The following SGCD variants were observed in gnomAD, a reference collection of about 807,000 sequenced individuals.
The protein encoded by SGCD is delta-sarcoglycan.
Under a neutral mutation model 36.6 loss-of-function variants are expected in SGCD, and 18 were observed. The ratio of observed to expected loss-of-function variants is 0.49; its 90% CI spans 0.34 to 0.73. The LOEUF is 0.73. SGCD is among the 30% of genes least tolerant of loss of function. The pLI is 0.01. For missense variants in SGCD, 387 were observed against 346.7 expected, an observed-to-expected ratio of 1.12 and a Z score of -0.92; for synonymous variants, 133 against 130.6, an observed-to-expected ratio of 1.02 and a Z score of -0.12.
At chr5:156,730,854 T>C (rs375147784) in intron 7 of SGCD, among the ~76,000 whole-genome samples, 1 of 152,160 alleles carries the variant, frequency 6.6e-6, no homozygotes, top group South Asian at 2.1e-4. Context: ...TTATTTACAC[T>C]CCCACCAACA....
At chr5:156,747,781 A>C (rs1456559053) in intron 7 of SGCD, among the ~76,000 whole-genome samples, 2 of 152,190 alleles carry the variant, frequency 1.3e-5, no homozygotes, top group African/African-American at 4.8e-5. Context: ...GAATAACATA[A>C]GGGCATGAAA....
intron 1 of SGCD, among the ~76,000 whole-genome samples, chr5:155,945,632 T>A (rs964069471): frequency 1.3e-5 from 2 of 152,114 alleles, no homozygotes; most frequent in African/African-American, 4.8e-5. Flanking sequence ...AAGTGGAGTG[T>A]CCAAGCATAA....
At chr5:156,012,390 C>A (rs1211412874) in intron 1 of SGCD, among the ~76,000 whole-genome samples, 1 of 152,054 alleles carries the variant, frequency 6.6e-6, no homozygotes, top group Non-Finnish European at 1.5e-5. Context: ...AGAATTTTTT[C>A]ATATGTTATG....
intron 3 of SGCD, among the ~76,000 whole-genome samples, chr5:156,480,751 A>C (rs1252136247): frequency 6.6e-6 from 1 of 152,210 alleles, no homozygotes; most frequent in African/African-American, 2.4e-5. Context: ...AATTGCCACT[A>C]CTGAAAATCA....
chr5:156,386,838 T>C (rs908226987), intron 3 of SGCD, among the ~76,000 whole-genome samples: 1 of 152,260 alleles, frequency 6.6e-6, no homozygotes, highest in Non-Finnish European at 1.5e-5. Flanking sequence ...CTCATCCCAG[T>C]AGTCCAGAAA....
At chr5:156,319,704 T>C (rs1321440267) in intron 3 of SGCD, among the ~76,000 whole-genome samples, 5 of 152,192 alleles carry the variant, frequency 3.3e-5, no homozygotes, top group African/African-American at 9.6e-5. Flanking sequence ...TGGGAATCTT[T>C]TGCCCAATTC....
intron 6 of SGCD, among the ~76,000 whole-genome samples, chr5:156,595,767 A>G (rs1011256707): frequency 5.3e-5 from 8 of 152,244 alleles, no homozygotes; most frequent in South Asian, 2.1e-4. Flanking sequence ...AAACTTTGGA[A>G]GGGTTTAGGT....
chr5:155,793,633 C>G, the SGCD span, among the ~76,000 whole-genome samples: 1 of 151,456 alleles, frequency 6.6e-6, no homozygotes, highest in African/African-American at 2.4e-5. Flanking sequence ...CCTCTACGTC[C>G]TGGGTTCAAG....
intron 7 of SGCD, among the ~76,000 whole-genome samples, chr5:156,720,285 A>T (rs916412070): frequency 6.6e-6 from 1 of 152,204 alleles, no homozygotes; most frequent in Non-Finnish European, 1.5e-5. Flanking sequence ...TTAGGGAGAA[A>T]AAAGAAAGTA....
the SGCD span, among the ~76,000 whole-genome samples, chr5:155,821,014 C>T: frequency 6.6e-6 from 1 of 151,976 alleles, no homozygotes; most frequent in Non-Finnish European, 1.5e-5. Context: ...ATTGCCAAGT[C>T]CAGCCCCACA....
At chr5:156,199,076 TAC>T (rs1764085192) in intron 3 of SGCD, among the ~76,000 whole-genome samples, 1 of 152,112 alleles carries the variant, frequency 6.6e-6, no homozygotes, top group South Asian at 2.1e-4. Context: ...CACATGTAGA[TAC>T]ACACACCTAC....
At chr5:156,293,438 G>C (rs746440534) in intron 3 of SGCD, among the ~76,000 whole-genome samples, 41 of 152,110 alleles carry the variant, frequency 2.7e-4, no homozygotes, top group Non-Finnish European at 5.1e-4. Flanking sequence ...TCTTCTAAGA[G>C]TTTTATAGCT....
intron 4 of SGCD, among the ~76,000 whole-genome samples, chr5:156,550,994 C>T (rs1376190847): frequency 6.6e-6 from 1 of 152,142 alleles, no homozygotes; most frequent in African/African-American, 2.4e-5. Flanking sequence ...ACTTGGCTGT[C>T]TCAGTCTTCC....
chr5:156,403,334 G>T (rs1772248816), intron 3 of SGCD, among the ~76,000 whole-genome samples: 1 of 152,158 alleles, frequency 6.6e-6, no homozygotes. Flanking sequence ...CAAAGGAAAA[G>T]CTTTGCTTTT....
chr5:156,119,098 C>A (rs1475097656), intron 2 of SGCD, among the ~76,000 whole-genome samples: 2 of 152,170 alleles, frequency 1.3e-5, no homozygotes, highest in Non-Finnish European at 2.9e-5. Context: ...GTGGGACCAA[C>A]TCTAGGCCTT....
At chr5:156,583,876 T>C (rs764599377) in intron 4 of SGCD, among the ~76,000 whole-genome samples, 8 of 152,194 alleles carry the variant, frequency 5.3e-5, no homozygotes, top group Non-Finnish European at 8.8e-5. Context: ...GTAGATAGTG[T>C]TGAGGAAACT....
chr5:156,748,984 C>G (rs1015740362), intron 7 of SGCD, among the ~76,000 whole-genome samples: 1 of 151,838 alleles, frequency 6.6e-6, no homozygotes, highest in African/African-American at 2.4e-5. Context: ...AGGCTGGTCT[C>G]GAAATGCTGA....
At chr5:155,892,459 G>GAAAA (rs70981989) in intron 1 of SGCD, among the ~76,000 whole-genome samples, 31 of 94,292 alleles carry the variant, frequency 3.3e-4, no homozygotes, top group Admixed American at 4.0e-4. Context: ...ATCTGAAAAA[G>GAAAA]AAAAAAAAAA....
chr5:156,236,331 G>A (rs554528132), intron 3 of SGCD, among the ~76,000 whole-genome samples: 7 of 152,036 alleles, frequency 4.6e-5, no homozygotes, highest in Admixed American at 2.0e-4. Flanking sequence ...GCTGTAGTGA[G>A]TTCTTACTTT....
Sources: allele counts gnomAD v4.1 joint callset (sites outside exome capture counted in the v4.1 genomes callset), GRCh38; gene constraint gnomAD v4.1.1; transcripts MANE v1.5; gene names NCBI Gene and HGNC (gene_info 2026-07-23, HGNC 2026-07-21).